PLD5: variants seen among roughly 807,000 people sequenced by gnomAD.
The protein encoded by PLD5 is inactive phospholipase D5.
In PLD5, 36 loss-of-function variants were observed where a neutral mutation model predicts 61.1. The ratio of observed to expected loss-of-function variants is 0.59; its 90% confidence interval spans 0.45 to 0.78. The LOEUF is 0.78. Ranked by LOEUF, PLD5 falls within the 30% of genes least tolerant of loss-of-function variation. The pLI is 0.00. For missense variants in PLD5, 515 were observed against 644.4 expected (o/e 0.80, Z 2.17); for synonymous variants, 243 against 242.8 (o/e 1.00, Z -0.01).
At chr1:242,197,469 T>G (rs1366029570) in intron 5 of PLD5, among the ~76,000 whole-genome samples, 2 of 152,158 alleles carry the variant, frequency 1.3e-5, no homozygotes, top group Non-Finnish European at 2.9e-5. Context: ...GGTGACTGAC[T>G]GCCTTTTCTC....
chr1:242,467,032 T>C (rs1188087615), intron 1 of PLD5, among the ~76,000 whole-genome samples: 1 of 152,136 alleles, frequency 6.6e-6, no homozygotes, highest in Non-Finnish European at 1.5e-5. Flanking sequence ...TCAAGATCTA[T>C]TGCACAGCAT....
At chr1:242,456,935 G>T (rs1666961971) in intron 1 of PLD5, among the ~76,000 whole-genome samples, 2 of 152,114 alleles carry the variant, frequency 1.3e-5, no homozygotes, top group Admixed American at 1.3e-4. Context: ...GGGAAAACAA[G>T]AATGTCTCTA....
chr1:242,142,873 C>T (rs1664277187), intron 5 of PLD5, among the ~76,000 whole-genome samples: 1 of 151,976 alleles, frequency 6.6e-6, no homozygotes, highest in South Asian at 2.1e-4. Context: ...ATTGCAGGCA[C>T]CCACCACCAT....
chr1:242,468,688 C>CAT (rs777610128), intron 1 of PLD5, among the ~76,000 whole-genome samples: 4 of 151,808 alleles, frequency 2.6e-5, no homozygotes, highest in Non-Finnish European at 5.9e-5. Flanking sequence ...CACACACACA[C>CAT]ATACACACAC....
intron 5 of PLD5, chr1:242,177,881 G>A (rs1667268462): frequency 6.6e-6 from 1 of 152,168 alleles, no homozygotes; most frequent in South Asian, 2.1e-4. Flanking sequence ...ACCCATCTGG[G>A]ACACATGGCA....
chr1:242,382,414 T>A (rs1246915792), intron 1 of PLD5, among the ~76,000 whole-genome samples: 3 of 152,054 alleles, frequency 2.0e-5, no homozygotes, highest in African/African-American at 7.2e-5. Flanking sequence ...CAGAGGAGGA[T>A]GTGCCAAGAA....
intron 1 of PLD5, among the ~76,000 whole-genome samples, chr1:242,516,745 T>C (rs1015815384): frequency 6.6e-6 from 1 of 152,244 alleles, no homozygotes; most frequent in African/African-American, 2.4e-5. Context: ...TAAGTTTAGA[T>C]GCCTGGAAGC....
intron 4 of PLD5, among the ~76,000 whole-genome samples, chr1:242,236,080 C>T (rs1489975661): frequency 6.6e-6 from 1 of 152,078 alleles, no homozygotes; most frequent in Non-Finnish European, 1.5e-5. Flanking sequence ...GATTAGCACT[C>T]TTACAGAAGA....
chr1:242,104,653 C>T (rs1259462586), intron 8 of PLD5, among the ~76,000 whole-genome samples: 1 of 152,032 alleles, frequency 6.6e-6, no homozygotes, highest in East Asian at 1.9e-4. Context: ...AGGGAAAGTA[C>T]CTGTTTCACT....
intron 2 of PLD5, among the ~76,000 whole-genome samples, chr1:242,305,807 G>A (rs540816512): frequency 1.5e-4 from 23 of 152,238 alleles, no homozygotes; most frequent in Admixed American, 9.8e-4. Flanking sequence ...TGACCCGCCC[G>A]CCTCGGCCTT....
chr1:242,453,457 T>C (rs191301072), intron 1 of PLD5, among the ~76,000 whole-genome samples: 11 of 152,374 alleles, frequency 7.2e-5, no homozygotes, highest in African/African-American at 2.6e-4. Flanking sequence ...GCATTTTATC[T>C]TTTTAATGAA....
At chr1:242,456,330 T>C (rs1666942971) in intron 1 of PLD5, among the ~76,000 whole-genome samples, 1 of 152,098 alleles carries the variant, frequency 6.6e-6, no homozygotes. Context: ...TTAAATAAAA[T>C]TTAAGATCCA....
chr1:242,312,459 C>A (rs997159500), intron 2 of PLD5, among the ~76,000 whole-genome samples: 2 of 152,064 alleles, frequency 1.3e-5, no homozygotes, highest in Non-Finnish European at 2.9e-5. Flanking sequence ...CTCAATTTCT[C>A]TAATAGTCTC....
chr1:242,394,561 AAC>A (rs1464815319), intron 1 of PLD5, among the ~76,000 whole-genome samples: 3 of 8,790 alleles, frequency 3.4e-4, no homozygotes, highest in African/African-American at 2.5e-3. Flanking sequence ...TATATATGTG[AAC>A]ATATATATGT....
chr1:242,112,526 A>T (rs548591305), intron 7 of PLD5, among the ~76,000 whole-genome samples: 4 of 152,274 alleles, frequency 2.6e-5, no homozygotes, highest in African/African-American at 9.6e-5. Context: ...ACAATATTTT[A>T]AAATAAAAGT....
At chr1:242,486,109 A>G (rs1256128109) in intron 1 of PLD5, among the ~76,000 whole-genome samples, 3 of 152,080 alleles carry the variant, frequency 2.0e-5, no homozygotes, top group African/African-American at 7.2e-5. Context: ...AACCATAAAA[A>G]CCCTAGAAGA....
At position 242,504,875 on chromosome 1, in the gene PLD5, G is replaced by A. The variant is rs118020467; in HGVS notation, c.189+19213C>T. Among the ~76,000 whole-genome samples, 20 of 152,218 alleles carry A rather than the reference G, an allele frequency of 1.3e-4. No individual in the cohort carries two copies. In the East Asian group the frequency reaches 3.5e-3, roughly 26 times the overall value. ...TAATTTATATGATTTAAAACTGGGG[G>A]CTGAGTGCAGTGGCTCACACCTGCA... On this transcript the variant is annotated intron_variant, in intron 1 of 9. Transcript: ENST00000536534.
intron 1 of PLD5, among the ~76,000 whole-genome samples, chr1:242,447,661 G>T (rs1666599553): frequency 6.6e-6 from 1 of 152,134 alleles, no homozygotes; most frequent in African/African-American, 2.4e-5. Flanking sequence ...CCAGAGGATG[G>T]CCTGAATGTA....
chr1:242,486,121 A>C (rs897539159), intron 1 of PLD5, among the ~76,000 whole-genome samples: 11 of 152,172 alleles, frequency 7.2e-5, no homozygotes, highest in Admixed American at 7.2e-4. Flanking sequence ...CCTAGAAGAA[A>C]ACCTAGGCAA....
Sources: gnomAD v4.1 joint callset for allele counts (sites outside exome capture counted in the v4.1 genomes callset) on GRCh38, gnomAD v4.1.1 for gene constraint, MANE v1.5 for transcripts, NCBI Gene and HGNC (gene_info 2026-07-23, HGNC 2026-07-21) for gene names.